The following CC2D1A variants were observed in gnomAD, a reference collection of about 807,000 sequenced individuals.
The protein encoded by CC2D1A is coiled-coil and C2 domain-containing protein 1A.
CC2D1A carries 68 observed loss-of-function variants against 123.8 expected under a neutral mutation model. The observed-to-expected ratio is 0.55, with a 90% CI of 0.45 to 0.67. The LOEUF (loss-of-function observed/expected upper bound fraction) is 0.67, where lower values mean the gene tolerates loss of function less well. Ranked by LOEUF, CC2D1A falls within the 30% of genes least tolerant of loss-of-function variation. The pLI is 0.00. For missense variants in CC2D1A, 1,185 were observed against 1,290.3 expected, an observed-to-expected ratio of 0.92 and a Z score of 1.25; for synonymous variants, 477 against 528.0, an observed-to-expected ratio of 0.90 and a Z score of 1.32.
In CC2D1A at chr19:13,906,490, G is replaced by C; in HGVS notation, c.49G>C (p.Ala17Pro). The C allele has an allele frequency of 6.7e-7, 1 of 1,495,984 alleles. No homozygotes were observed. Among genetic ancestry groups the C allele is most frequent in the Non-Finnish European group, 8.9e-7 (1 of 1,126,426 alleles). 92.7% of individuals were successfully genotyped at this position (1,495,984 alleles called of 1,614,324 possible). A position where few individuals can be genotyped will look rare whatever the true frequency, so the allele number is the denominator to read the frequency against. Residue 17 changes from alanine to proline, a missense_variant, in exon 1 of 29, where the codon GCC becomes CCC. Physicochemically the swap from Ala to Pro is conservative, Grantham distance 27 (BLOSUM62 -1). Coordinates refer to ENST00000318003, the MANE Select transcript of CC2D1A (RefSeq NM_017721.5). This position sits in a 1 kb window ranked among gnomAD's most constrained non-coding sequence, Gnocchi z 4.1. ...GGGACCCCCGGGCAGAGGCGCCGCG[G>C]CCGCCCGCCAGGTGAGTTTGCGCCC... ...PPGPPGRGAA[A>P]ARQLGLLVDL... is the part of the protein sequence containing the mutation.
At chr19:13,914,804 A>G (rs1971146493) in intron 6 of CC2D1A, among the ~76,000 whole-genome samples, 1 of 152,144 alleles carries the variant, frequency 6.6e-6, no homozygotes, top group Admixed American at 6.6e-5. Context: ...CCCCATGCCC[A>G]GCTAATTTTT....
intron 1 of CC2D1A, among the ~76,000 whole-genome samples, chr19:13,908,013 G>T (rs1012111616): frequency 3.9e-5 from 6 of 152,058 alleles, no homozygotes; most frequent in African/African-American, 1.4e-4. Flanking sequence ...TTTTTTGTTT[G>T]TTTGTTTTTG....
At chr19:13,924,844 T>G (rs548727177) in intron 17 of CC2D1A, among the ~76,000 whole-genome samples, 2 of 152,156 alleles carry the variant, frequency 1.3e-5, no homozygotes, top group South Asian at 4.1e-4. Context: ...CCCCCACCCC[T>G]TACCCTGGCT....
At chr19:13,925,928 A>AT (rs1971576691) in intron 17 of CC2D1A, among the ~76,000 whole-genome samples, 1 of 105,694 alleles carries the variant, frequency 9.5e-6, no homozygotes, top group African/African-American at 4.3e-5. Context: ...TAAAAAAAAA[A>AT]AAAAAATATA....
chr19:13,925,984 A>G (rs1599403302), intron 17 of CC2D1A, among the ~76,000 whole-genome samples: 1 of 134,526 alleles, frequency 7.4e-6, no homozygotes, highest in African/African-American at 3.2e-5. Flanking sequence ...GTGTATATAT[A>G]TATACATATA....
At chr19:13,911,834 G>A (rs1184374217) in intron 2 of CC2D1A, among the ~76,000 whole-genome samples, 1 of 150,828 alleles carries the variant, frequency 6.6e-6, no homozygotes, top group Admixed American at 6.7e-5. Flanking sequence ...CCCTGCCTCA[G>A]GCTCCCGAGT....
rs1971088992 is a variant in CC2D1A at position 13,913,530 on chromosome 19, C to T, written c.640C>T (p.Pro214Ser). The change falls in exon 6 of 29, where the codon CCG (proline) becomes TCG (serine). Residue 214 changes from proline (P) to serine (S), a missense_variant. By Grantham distance (74) the Pro-to-Ser change is moderately conservative (BLOSUM62 -1). Coordinates refer to ENST00000318003, the MANE Select transcript of CC2D1A (RefSeq NM_017721.5). Reference protein sequence around the residue: ...TPTYSPAPTQPAPRIASAPEP... With the variant: ...TPTYSPAPTQSAPRIASAPEP... Reference sequence around the variant, plus strand: ...TACCTACAGCCCTGCACCCACCCAGCCGGCCCCTAGAATCGCGTCAGCCCC... The same window carrying T: ...TACCTACAGCCCTGCACCCACCCAGTCGGCCCCTAGAATCGCGTCAGCCCC... 6.2e-7 allele frequency: 1 copy of T among 1,614,176 alleles called. No homozygotes were observed.
intron 24 of CC2D1A, among the ~76,000 whole-genome samples, chr19:13,928,452 G>A (rs1180750413): frequency 6.6e-6 from 1 of 151,780 alleles, no homozygotes; most frequent in East Asian, 1.9e-4. Context: ...GTTTTCACTG[G>A]CCTCTGGACT....
chr19:13,925,818 G>A (rs1971571413), intron 17 of CC2D1A, among the ~76,000 whole-genome samples: 1 of 149,382 alleles, frequency 6.7e-6, no homozygotes. Flanking sequence ...TACTCAGGAG[G>A]CTGAGGCAGA....
At chr19:13,928,704 CTT>C (rs60455051) in intron 24 of CC2D1A, among the ~76,000 whole-genome samples, 524 of 109,188 alleles carry the variant, frequency 4.8e-3, no homozygotes, top group African/African-American at 0.014. Context: ...CCCAGTGTGT[CTT>C]TTTTTTTTTT....
At chr19:13,918,479 T>G in intron 7 of CC2D1A, 25 bp from the exon 8 acceptor site, 1 of 1,608,940 alleles carries the variant, frequency 6.2e-7, no homozygotes, top group Non-Finnish European at 8.5e-7. Context: ...CACCTCTTCT[T>G]CTAATCTCCT....
chr19:13,912,718 T>C (rs1971047319), intron 4 of CC2D1A, 125 bp downstream of exon 4: 3 of 934,414 alleles, frequency 3.2e-6, no homozygotes, highest in Non-Finnish European at 5.0e-6. Context: ...AGTGGTGCCA[T>C]CTCAGCTCAC....
rs190362915 is a variant in CC2D1A, at chr19:13,921,837, C to T, written c.1641+915C>T. ...GGAGGATTCCTTGAGGCCAGGAGCT[C>T]GAAACTAGCCTGGGAAACACAGTGA... On this transcript the variant is annotated intron_variant, in intron 14 of 28. Transcript: ENST00000318003. Among the ~76,000 whole-genome samples, 208 of 152,174 alleles carry T rather than the reference C, an allele frequency of 1.4e-3. 1 individual carries two copies. The highest frequency in any genetic ancestry group is 2.4e-3 in the Non-Finnish European group (166 of 67,994).
chr19:13,908,052 C>G (rs1260690407), intron 1 of CC2D1A, among the ~76,000 whole-genome samples: 1 of 152,176 alleles, frequency 6.6e-6, no homozygotes, highest in African/African-American at 2.4e-5. Flanking sequence ...TCGCCCCAGG[C>G]TGGAGTGCAG....
At chr19:13,917,959 A>C (rs1971266573) in intron 6 of CC2D1A, 111 bp from the exon 7 acceptor site, 1 of 1,160,262 alleles carries the variant, frequency 8.6e-7, no homozygotes, top group Non-Finnish European at 1.2e-6. Flanking sequence ...CAACAGAGTG[A>C]GGCTCTGTCT....
chr19:13,930,191 G>C lies in CC2D1A; in HGVS notation c.2787+37G>C. The C allele has an allele frequency of 6.2e-7, 1 of 1,612,852 alleles. No homozygotes were observed. The highest frequency in any genetic ancestry group is 8.5e-7 in the Non-Finnish European group (1 of 1,179,460). On this transcript the variant is annotated intron_variant, in intron 27 of 28. Transcript: ENST00000318003. This position sits in a 1 kb window ranked among gnomAD's most constrained non-coding sequence, Gnocchi z 6.8. The stretch of plus-strand genomic sequence containing the variant: ...GCGGGCCGGGTGGGCACTGGGCAGC[G>C]GGCAGGGTGGGGCCTGCAGGGACTA...
Position 13,923,208 on chromosome 19 carries a change from C to G in CC2D1A, c.1642-125C>G, listed in dbSNP as rs1447319276. 2 of 1,192,756 alleles carry G rather than the reference C, an allele frequency of 1.7e-6. No individual in the cohort carries two copies. Among genetic ancestry groups the G allele is most frequent in the Admixed American group, 2.3e-5 (1 of 42,796 alleles). The allele number at this position is 1,192,756 out of a possible 1,614,324, so 73.9% of individuals were successfully genotyped here. A position where few individuals can be genotyped will look rare whatever the true frequency, so the allele number is the denominator to read the frequency against. The stretch of plus-strand genomic sequence containing the variant: ...ACTCCATCTCAAAAAAAAAAAAAGA[C>G]CAGAGAAGGGTGACAGAGCCGTGGT... On this transcript the variant is annotated intron_variant, in intron 14 of 28. Transcript: ENST00000318003. This position sits in a 1 kb window ranked among gnomAD's most constrained non-coding sequence, Gnocchi z 5.3.
chr19:13,929,716 G>T (rs1263395529), intron 26 of CC2D1A, 56 bp downstream of exon 26: 2 of 1,251,242 alleles, frequency 1.6e-6, no homozygotes, highest in Non-Finnish European at 2.2e-6. Flanking sequence ...TAGGCATGGG[G>T]GGGGAGGTGC....
At chr19:13,907,798 T>C (rs1022231803) in intron 1 of CC2D1A, among the ~76,000 whole-genome samples, 1 of 152,178 alleles carries the variant, frequency 6.6e-6, no homozygotes. Flanking sequence ...TGGAAAGTGC[T>C]AGAACATAGC....
Sources: gnomAD v4.1 joint callset for allele counts (sites outside exome capture counted in the v4.1 genomes callset) on GRCh38, gnomAD v4.1.1 for gene constraint, Gnocchi (gnomAD v3.1) non-coding constraint, MANE v1.5 for transcripts, NCBI Gene and HGNC (gene_info 2026-07-23, HGNC 2026-07-21) for gene names.